Variants in IL1RAPL2 observed in about 807,000 individuals in gnomAD.
The protein encoded by IL1RAPL2 is X-linked interleukin-1 receptor accessory protein-like 2.
A neutral mutation model predicts 44.1 loss-of-function variants in IL1RAPL2; 3 were observed. The ratio of observed to expected loss-of-function variants is 0.07; its 90% CI spans 0.03 to 0.18. IL1RAPL2 has a LOEUF of 0.18. IL1RAPL2 is among the 10% of genes least tolerant of loss of function. IL1RAPL2 has a pLI of 1.00. For synonymous variants in IL1RAPL2, 181 were observed against 178.8 expected, an observed-to-expected ratio of 1.01 and a Z score of -0.10; for missense variants, 391 against 496.4, an observed-to-expected ratio of 0.79 and a Z score of 2.02.
At chrX:104,709,555 C>T (rs1931419071) in intron 2 of IL1RAPL2, among the ~76,000 whole-genome samples, 1 of 110,510 alleles carries the variant, frequency 9.0e-6, no homozygotes, top group Admixed American at 9.7e-5. Flanking sequence ...TTGCCTTTCC[C>T]CTACTCCCCA....
intron 2 of IL1RAPL2, among the ~76,000 whole-genome samples, chrX:105,034,942 G>A (rs867464925): frequency 3.2e-5 from 3 of 94,670 alleles, no homozygotes; most frequent in African/African-American, 1.3e-4. Flanking sequence ...TGGGCAATGC[G>A]GGCGCCCCTC....
At chrX:105,160,222 C>T (rs745667722) in intron 2 of IL1RAPL2, among the ~76,000 whole-genome samples, 2 of 110,681 alleles carry the variant, frequency 1.8e-5, no homozygotes, top group South Asian at 3.9e-4. Context: ...AGTCCGTTTA[C>T]GGGTGTGTGA....
Position 104,915,048 on chromosome X carries a change from T to C in IL1RAPL2, c.82+256053T>C, listed in dbSNP as rs767557485. Among the ~76,000 whole-genome samples, 181 of 111,869 alleles carry C rather than the reference T, an allele frequency of 1.6e-3. 1 individual carries two copies. The highest frequency in any genetic ancestry group is 5.1e-3 in the African/African-American group (157 of 30,757). Reference sequence around the variant, plus strand: ...CATACATGTGCATGTGTCTTTATAGTAGCATGATTTATAGTCCTTTGGGTA... The same window carrying C: ...CATACATGTGCATGTGTCTTTATAGCAGCATGATTTATAGTCCTTTGGGTA... On this transcript the variant is annotated intron_variant, in intron 2 of 10. Coordinates refer to ENST00000372582, the MANE Select transcript of IL1RAPL2 (RefSeq NM_017416.2).
chrX:104,701,483 T>C (rs767599775), intron 2 of IL1RAPL2, among the ~76,000 whole-genome samples: 3 of 111,720 alleles, frequency 2.7e-5, no homozygotes, highest in Non-Finnish European at 5.7e-5. Context: ...GTAATCTGTT[T>C]TGGATCCCTT....
chrX:105,033,143 A>G (rs190643707), intron 2 of IL1RAPL2, among the ~76,000 whole-genome samples: 2 of 111,501 alleles, frequency 1.8e-5, no homozygotes, highest in Admixed American at 1.9e-4. Flanking sequence ...GGTTTCCTGA[A>G]TACAGCATAC....
chrX:104,810,528 C>T (rs1191021417), intron 2 of IL1RAPL2, among the ~76,000 whole-genome samples: 8 of 111,403 alleles, frequency 7.2e-5, no homozygotes. Context: ...TTCCTTCTAT[C>T]ATGAGGTCAT....
At chrX:104,701,141 T>G (rs938595828) in intron 2 of IL1RAPL2, among the ~76,000 whole-genome samples, 36 of 111,906 alleles carry the variant, frequency 3.2e-4, no homozygotes, top group Non-Finnish European at 4.9e-4. Flanking sequence ...ATCTTATCAC[T>G]TCCCACAGCA....
chrX:104,922,200 C>A (rs1484887363), intron 2 of IL1RAPL2, among the ~76,000 whole-genome samples: 4 of 112,508 alleles, frequency 3.6e-5, no homozygotes, highest in African/African-American at 1.3e-4. Flanking sequence ...CACCCTAGTA[C>A]TTCCCCCATC....
At chrX:105,602,347 C>A (rs367752179) in intron 6 of IL1RAPL2, among the ~76,000 whole-genome samples, 3 of 108,765 alleles carry the variant, frequency 2.8e-5, no homozygotes, top group East Asian at 5.8e-4. Context: ...TGTAGAAAGA[C>A]TTTCTGAATT....
chrX:104,982,709 C>T (rs765508238), intron 2 of IL1RAPL2, among the ~76,000 whole-genome samples: 1 of 110,186 alleles, frequency 9.1e-6, no homozygotes, highest in East Asian at 2.9e-4. Context: ...TAAACCTATA[C>T]ATTTAACTAT....
At chrX:104,909,206 A>T (rs765803303) in intron 2 of IL1RAPL2, among the ~76,000 whole-genome samples, 8 of 111,454 alleles carry the variant, frequency 7.2e-5, no homozygotes, top group Non-Finnish European at 1.5e-4. Context: ...AGCTCCTTTA[A>T]GCACTTCTCT....
At chrX:105,592,923 G>A (rs1394556977) in intron 6 of IL1RAPL2, among the ~76,000 whole-genome samples, 4 of 111,505 alleles carry the variant, frequency 3.6e-5, no homozygotes, top group Admixed American at 2.9e-4. Context: ...TGGTCCTCTT[G>A]TATAGTATCT....
chrX:105,361,570 A>T (rs1389654377), intron 5 of IL1RAPL2, among the ~76,000 whole-genome samples: 15 of 111,449 alleles, frequency 1.3e-4, no homozygotes, highest in Non-Finnish European at 7.6e-5. Context: ...TCTAAACTGT[A>T]TGTCGTAGTT....
intron 2 of IL1RAPL2, among the ~76,000 whole-genome samples, chrX:104,889,080 G>A (rs138416667): frequency 2.7e-5 from 3 of 110,862 alleles, no homozygotes; most frequent in Non-Finnish European, 3.8e-5. Flanking sequence ...AGTAACTTCC[G>A]AGTCACCCAA....
intron 5 of IL1RAPL2, among the ~76,000 whole-genome samples, chrX:105,336,535 G>A (rs1208670097): frequency 1.8e-5 from 2 of 112,066 alleles, no homozygotes; most frequent in East Asian, 5.6e-4. Context: ...CATAGATGTA[G>A]CCTTTGCTTT....
rs752774929 is a variant in IL1RAPL2 at position 105,740,624 on chromosome X, G to A, written c.981G>A (p.Ala327=). 54 of 1,205,815 alleles carry A rather than the reference G, an allele frequency of 4.5e-5. No homozygotes were observed. The South Asian group carries it at 7.5e-4, about 17-fold the overall frequency. Residue 327 remains alanine, a synonymous_variant, in exon 8 of 11, where the codon GCG becomes GCA. Transcript: ENST00000372582. Reference sequence around the variant, plus strand: ...ACTCAGTTGTGGAAGCTGACCTGGCGAATTATACCTGCCATGTTGAAAACC... The same window carrying A: ...ACTCAGTTGTGGAAGCTGACCTGGCAAATTATACCTGCCATGTTGAAAACC... ...IFDSVVEADL[A]NYTCHVENRN... is the part of the protein sequence containing the mutation.
rs1159966481 is a variant in IL1RAPL2, at chrX:105,102,490, G to C, written c.83-92985G>C. Among the ~76,000 whole-genome samples, 4 of 111,810 alleles carry C rather than the reference G, an allele frequency of 3.6e-5. No homozygotes were observed. In the Admixed American group the frequency reaches 3.8e-4, roughly 11 times the overall value. ...CTTATATTAATCAGGGTTCTCCAGA[G>C]AACAGAACCAATTGTGTGTGTATGT... On this transcript the variant is annotated intron_variant, in intron 2 of 10. Transcript: ENST00000372582.
At position 104,608,944 on chromosome X, in the gene IL1RAPL2, C is replaced by T. The variant is rs1929083170; in HGVS notation, c.-20+41893C>T. Among the ~76,000 whole-genome samples, 3 of 111,423 alleles carry T rather than the reference C, an allele frequency of 2.7e-5. No homozygotes were observed. The South Asian group carries it at 1.1e-3, about 42-fold the overall frequency. ...GTTAGTTGATGCAGTTTCTTCATTG[C>T]ATCTATGGTCTTTACAATTTGGCAT... On this transcript the variant is annotated intron_variant, in intron 1 of 10. Transcript: ENST00000372582.
intron 2 of IL1RAPL2, among the ~76,000 whole-genome samples, chrX:104,912,914 C>A (rs1924290662): frequency 8.9e-6 from 1 of 111,975 alleles, no homozygotes; most frequent in Admixed American, 9.5e-5. Flanking sequence ...AAGTAGCAGG[C>A]ATAATCCTTA....
Sources: gnomAD v4.1 joint callset for allele counts (sites outside exome capture counted in the v4.1 genomes callset) on GRCh38, gnomAD v4.1.1 for gene constraint, MANE v1.5 for transcripts, NCBI Gene and HGNC (gene_info 2026-07-23, HGNC 2026-07-21) for gene names.